The following EFTUD2 variants were observed in gnomAD, a reference collection of about 807,000 sequenced individuals.
EFTUD2 encodes the protein 116 kDa U5 small nuclear ribonucleoprotein component.
EFTUD2 carries 9 observed loss-of-function variants against 114.3 expected under a neutral mutation model. The observed-to-expected ratio is 0.08, with a 90% CI of 0.05 to 0.14. The LOEUF (loss-of-function observed/expected upper bound fraction) is 0.14, where lower values mean the gene tolerates loss of function less well. EFTUD2 is among the 10% of genes least tolerant of loss of function. The probability of loss-of-function intolerance (pLI) is 1.00; values close to 1 mark genes in which losing one functional copy is unlikely to be tolerated. For missense variants in EFTUD2, 765 were observed against 1,241.2 expected (o/e 0.62, Z 5.76); for synonymous variants, 449 against 462.3 (o/e 0.97, Z 0.37).
intron 20 of EFTUD2, among the ~76,000 whole-genome samples, chr17:44,856,327 G>A (rs1243309704): frequency 1.3e-5 from 2 of 148,756 alleles, no homozygotes; most frequent in Non-Finnish European, 3.0e-5. Context: ...TCAGGGGTTC[G>A]AGACCAGCCT....
Position 44,883,135 on chromosome 17 carries a change from A to G in EFTUD2, c.450T>C (p.Ile150=). The change falls in exon 6 of 28, where the codon ATT becomes ATC. Residue 150 remains isoleucine (I), a synonymous_variant. Coordinates refer to ENST00000426333, the MANE Select transcript of EFTUD2 (RefSeq NM_004247.4). ...TTCTGATTTCCGGGTGAGTCTGTTC[A>G]ATTAAACAATCCACAAAACATGTCT... ...HGKTCFVDCL[I]EQTHPEIRKR... The G allele has an allele frequency of 6.2e-7, 1 of 1,614,170 alleles. No individual in the cohort carries two copies. The highest frequency in any genetic ancestry group is 8.5e-7 in the Non-Finnish European group (1 of 1,180,018).
chr17:44,872,230 GTCC>G (rs1168598880), intron 11 of EFTUD2, among the ~76,000 whole-genome samples: 1 of 152,136 alleles, frequency 6.6e-6, no homozygotes, highest in Non-Finnish European at 1.5e-5. Flanking sequence ...CTTCTCCCAT[GTCC>G]TCCTATTCAC....
chr17:44,853,384 G>A lies in EFTUD2; in HGVS notation c.2473C>T (p.Pro825Ser). 2 of 1,614,150 alleles carry A rather than the reference G, an allele frequency of 1.2e-6. No individual in the cohort carries two copies. The highest frequency in any genetic ancestry group is 1.3e-5 in the African/African-American group (1 of 75,056). ...AAGTAGTAAGGCTCCATCAGACGAG[G>A]AGTAGCCTGCAGCAGAGCAAGAAGA... Reference protein sequence around the residue: ...VVYSAFLMATPRLMEPYYFVE... With the variant: ...VVYSAFLMATSRLMEPYYFVE... The change falls in exon 25 of 28, where the codon CCT becomes TCT. Residue 825 changes from proline to serine, a missense_variant. This residue lies in a region of EFTUD2 where 166 missense variants were observed against 401.5 expected (regional missense o/e 0.41). Transcript: ENST00000426333.
intron 9 of EFTUD2, 22 bp downstream of exon 9, chr17:44,879,534 C>G (rs1195498714): frequency 6.2e-7 from 1 of 1,613,468 alleles, no homozygotes; most frequent in African/African-American, 1.3e-5. Flanking sequence ...GGATGAGATT[C>G]TGGGAGCTGA....
rs146419127 is a variant in EFTUD2, at chr17:44,880,120, A to G, written c.619+434T>C. ...AAACCTAAAACCTTCCAGTTTTTAA[A>G]AACTCTGCCCCAGTTGGTCCTTTCC... On this transcript the variant is annotated intron_variant, in intron 8 of 27. Coordinates refer to ENST00000426333, the MANE Select transcript of EFTUD2 (RefSeq NM_004247.4). 2.5e-4 allele frequency among the ~76,000 whole-genome samples: 38 copies of G among 152,262 alleles called. No homozygotes were observed. The East Asian group carries it at 6.2e-3, about 25-fold the overall frequency.
intron 5 of EFTUD2, 192 bp downstream of exon 5, chr17:44,883,456 AG>A: frequency 1.6e-6 from 1 of 626,886 alleles, no homozygotes; most frequent in Non-Finnish European, 2.8e-6. Flanking sequence ...CAAGTGGCTT[AG>A]GAACAGGCTC....
Sources: allele counts gnomAD v4.1 joint callset (sites outside exome capture counted in the v4.1 genomes callset), GRCh38; gene constraint gnomAD v4.1.1; regional missense constraint gnomAD v4.1.1; transcripts MANE v1.5; gene names NCBI Gene and HGNC (gene_info 2026-07-23, HGNC 2026-07-21).